Variants in FOXN3 observed in about 807,000 individuals in gnomAD.
The protein encoded by FOXN3 is forkhead box protein N3.
Under a neutral mutation model 38.4 loss-of-function variants are expected in FOXN3, and 7 were observed. That is an observed-to-expected ratio of 0.18 (90% CI 0.10 to 0.34). The LOEUF is 0.34. Ranked by LOEUF, FOXN3 falls within the 10% of genes least tolerant of loss-of-function variation. The pLI, the probability that FOXN3 is intolerant of heterozygous loss-of-function variation, is 1.00. For synonymous variants in FOXN3, 230 were observed against 242.2 expected (o/e 0.95, Z 0.47); for missense variants, 456 against 613.4 (o/e 0.74, Z 2.71).
chr14:89,581,969 C>T (rs17126115), intron 1 of FOXN3, among the ~76,000 whole-genome samples: 6,678 of 152,174 alleles, frequency 0.044, 464 homozygotes, highest in African/African-American at 0.15. Context: ...AACAACTCTC[C>T]GAGGCAAGGG....
At chr14:89,347,821 G>A (rs551048109) in intron 3 of FOXN3, among the ~76,000 whole-genome samples, 6 of 152,182 alleles carry the variant, frequency 3.9e-5, no homozygotes, top group East Asian at 3.9e-4. Context: ...GTGTGGTGGC[G>A]CCTGCCTGTA....
At chr14:89,567,523 A>C (rs373359) in intron 1 of FOXN3, among the ~76,000 whole-genome samples, 323 of 13,430 alleles carry the variant, frequency 0.024, 11 homozygotes, top group African/African-American at 0.04. Flanking sequence ...GAAGACTGTA[A>C]AAGGTACAGA....
rs1241834381 is a variant in FOXN3 at position 89,309,026 on chromosome 14, G to A, written c.681-28012C>T. Among the ~76,000 whole-genome samples, 10 of 152,066 alleles carry A rather than the reference G, an allele frequency of 6.6e-5. No individual in the cohort carries two copies. In the East Asian group the frequency reaches 1.5e-3, roughly 23 times the overall value. On this transcript the variant is annotated intron_variant, in intron 3 of 5. Coordinates refer to ENST00000557258, the MANE Select transcript of FOXN3 (RefSeq NM_005197.4). ...GCACGGTGGTCTGGGGCCTGTGTAT[G>A]GGATTTCCTTGATGACTATAAAACT... is the stretch of plus-strand genomic sequence containing the variant.
intron 4 of FOXN3, among the ~76,000 whole-genome samples, chr14:89,247,333 T>C (rs1407246571): frequency 6.6e-6 from 1 of 152,208 alleles, no homozygotes; most frequent in Non-Finnish European, 1.5e-5. Flanking sequence ...TACCCAAGCC[T>C]GGGGACTAAG....
chr14:89,517,240 G>A (rs1894224672), intron 1 of FOXN3, among the ~76,000 whole-genome samples: 2 of 151,306 alleles, frequency 1.3e-5, no homozygotes, highest in Admixed American at 6.6e-5. Context: ...GCACACGCCT[G>A]TAATCCCAGG....
At chr14:89,440,035 C>G (rs1489772276) in intron 1 of FOXN3, among the ~76,000 whole-genome samples, 2 of 152,046 alleles carry the variant, frequency 1.3e-5, no homozygotes, top group Admixed American at 1.3e-4. Flanking sequence ...ATCCAAGAAC[C>G]CACTCTTGGA....
At chr14:89,522,919 T>C (rs951455214) in intron 1 of FOXN3, among the ~76,000 whole-genome samples, 2 of 149,922 alleles carry the variant, frequency 1.3e-5, no homozygotes, top group South Asian at 2.1e-4. Flanking sequence ...ACACAGACTG[T>C]CAGATAAGAT....
At chr14:89,399,354 G>A (rs1689131428) in intron 2 of FOXN3, among the ~76,000 whole-genome samples, 2 of 152,204 alleles carry the variant, frequency 1.3e-5, no homozygotes, top group South Asian at 2.1e-4. Context: ...GCTGCAAAGA[G>A]GAGGCTAGAA....
chr14:89,272,026 C>G (rs1438112264), intron 4 of FOXN3, among the ~76,000 whole-genome samples: 1 of 152,154 alleles, frequency 6.6e-6, no homozygotes, highest in East Asian at 1.9e-4. Flanking sequence ...AGAAATAATG[C>G]AGGCCAGGTG....
chr14:89,332,923 C>T, intron 3 of FOXN3, among the ~76,000 whole-genome samples: 1 of 152,004 alleles, frequency 6.6e-6, no homozygotes, highest in East Asian at 1.9e-4. Flanking sequence ...GGTAAAGAAC[C>T]TGAATAAACA....
intron 1 of FOXN3, among the ~76,000 whole-genome samples, chr14:89,604,226 C>T (rs1896218173): frequency 6.8e-6 from 1 of 148,148 alleles, no homozygotes; most frequent in African/African-American, 2.5e-5. Context: ...CACACACACA[C>T]ACACACACAC....
At chr14:89,320,417 G>C (rs983327571) in intron 3 of FOXN3, among the ~76,000 whole-genome samples, 2 of 152,212 alleles carry the variant, frequency 1.3e-5, no homozygotes, top group African/African-American at 4.8e-5. Context: ...TGTTAACTCA[G>C]GATTCCATGG....
chr14:89,352,506 A>G (rs1027485236), intron 2 of FOXN3, among the ~76,000 whole-genome samples: 5 of 152,218 alleles, frequency 3.3e-5, no homozygotes, highest in African/African-American at 1.2e-4. Flanking sequence ...AAATCCTGTC[A>G]ACAGTAGGGG....
intron 2 of FOXN3, among the ~76,000 whole-genome samples, chr14:89,397,412 A>C (rs2008486): frequency 0.44 from 65,556 of 148,886 alleles, 15,564 homozygotes; most frequent in Admixed American, 0.55. Flanking sequence ...ACAAACCTGC[A>C]CATGTACCCC....
Position 89,511,218 on chromosome 14 carries a change from TCTTTCTTTCTTTTCTTTC to T in FOXN3, c.-14-98746_-14-98729del, listed in dbSNP as rs1566681107. 2.3e-3 allele frequency among the ~76,000 whole-genome samples: 41 copies of T among 17,670 alleles called. 11 individuals are homozygous for T. Among genetic ancestry groups the T allele is most frequent in the African/African-American group, 4.2e-3 (40 of 9,554 alleles). 11.6% of individuals were successfully genotyped at this position (17,670 alleles called of 152,430 possible). On this transcript the variant is annotated intron_variant, in intron 1 of 6. Coordinates refer to the FOXN3 transcript ENST00000345097. Reference sequence around the variant, plus strand: ...TCTTTCTTTCTTTTCTTTCTTTCTTTCTTTCTTTCTTTTCTTTCCTTTTCTTTCTTTTCTTTCTTTCTT... The same window carrying T: ...TCTTTCTTTCTTTTCTTTCTTTCTTTCTTTTCTTTCTTTTCTTTCTTTCTT...
chr14:89,287,198 G>A (rs1886655377), intron 3 of FOXN3, among the ~76,000 whole-genome samples: 2 of 152,138 alleles, frequency 1.3e-5, no homozygotes, highest in African/African-American at 2.4e-5. Context: ...CTGTCGTTCA[G>A]ACTGGAGTGC....
upstream of FOXN3, among the ~76,000 whole-genome samples, chr14:89,421,019 A>C (rs1460970516): frequency 6.6e-6 from 1 of 152,022 alleles, no homozygotes; most frequent in Non-Finnish European, 1.5e-5. Context: ...AACAGAATGA[A>C]GACTGTTTAA....
chr14:89,290,529 GCTGATTTT>G (rs1284340662), intron 3 of FOXN3: 4 of 534,094 alleles, frequency 7.5e-6, no homozygotes. Flanking sequence ...CATCGGGAGA[GCTGATTTT>G]TCACAATTGA....
intron 5 of FOXN3, among the ~76,000 whole-genome samples, chr14:89,165,408 G>A (rs181447267): frequency 7.9e-4 from 121 of 152,292 alleles, no homozygotes; most frequent in African/African-American, 2.7e-3. Context: ...CGATTCCTGC[G>A]ACTTCCTGCT....
Sources: allele counts gnomAD v4.1 joint callset (sites outside exome capture counted in the v4.1 genomes callset), GRCh38; gene constraint gnomAD v4.1.1; transcripts MANE v1.5; gene names NCBI Gene and HGNC (gene_info 2026-07-23, HGNC 2026-07-21).